ZNF382: variants seen among roughly 807,000 people sequenced by gnomAD.
ZNF382 encodes zinc finger protein 382.
A neutral mutation model predicts 38.8 loss-of-function variants in ZNF382; 20 were observed. That is an observed-to-expected ratio of 0.51 (90% confidence interval 0.36 to 0.75). The LOEUF (loss-of-function observed/expected upper bound fraction) is 0.75. Among genes scored for constraint, ZNF382 ranks in the 30% least tolerant of loss-of-function variants. ZNF382 has a pLI of 0.00. For synonymous variants in ZNF382, 202 were observed against 223.1 expected (o/e 0.91, Z 0.84); for missense variants, 546 against 654.1 (o/e 0.83, Z 1.80).
chr19:36,619,286 G>C (rs2037149803), intron 4 of ZNF382, among the ~76,000 whole-genome samples: 1 of 152,196 alleles, frequency 6.6e-6, no homozygotes. Context: ...AGTTGGCAAG[G>C]CTTCTGCCTC....
intron 4 of ZNF382, among the ~76,000 whole-genome samples, 198 bp from the exon 5 acceptor site, chr19:36,625,932 T>C (rs958348897): frequency 6.6e-6 from 1 of 152,194 alleles, no homozygotes; most frequent in Non-Finnish European, 1.5e-5. Context: ...GTTTTTTGCT[T>C]ATGCCAGTTT....
At position 36,630,391 on chromosome 19, in the gene ZNF382, C is replaced by G. The variant is rs575813582; in HGVS notation, c.*2841C>G. On this transcript the variant is annotated 3_prime_UTR_variant, in exon 5 of 5. Coordinates refer to ENST00000292928, the MANE Select transcript of ZNF382 (RefSeq NM_032825.5). ...TTTTTTTTTTTGAGACAGAGTTTCA[C>G]TTTTGTTTCCCAGGCTGGAGTGCAA... 2.0e-5 allele frequency: 3 copies of G among 146,482 alleles called. No individual in the cohort carries two copies. The highest frequency in any genetic ancestry group is 7.6e-5 in the African/African-American group (3 of 39,444). 9.1% of individuals were successfully genotyped at this position (146,482 alleles called of 1,614,324 possible).
chr19:36,607,192 A>G (rs1000705152), intron 1 of ZNF382, among the ~76,000 whole-genome samples: 1 of 152,158 alleles, frequency 6.6e-6, no homozygotes, highest in Non-Finnish European at 1.5e-5. Flanking sequence ...ATCCACTACT[A>G]TCAGTGTAAA....
At chr19:36,613,126 G>A (rs2037092273) in intron 4 of ZNF382, among the ~76,000 whole-genome samples, 1 of 152,108 alleles carries the variant, frequency 6.6e-6, no homozygotes, top group Non-Finnish European at 1.5e-5. Context: ...TATTTAGGTA[G>A]TATGTATTTT....
chr19:36,607,917 G>A, intron 2 of ZNF382: 1 of 366,022 alleles, frequency 2.7e-6, no homozygotes, highest in Admixed American at 4.2e-5. Context: ...CCTTCCCCAA[G>A]TGTACCTTCT....
At position 36,630,637 on chromosome 19, in the gene ZNF382, TTG is replaced by T. The variant is rs1474266927; in HGVS notation, c.*3091_*3092del. On this transcript the variant is annotated 3_prime_UTR_variant, in exon 5 of 5. Coordinates refer to ENST00000292928, the MANE Select transcript of ZNF382 (RefSeq NM_032825.5). ...TGTGAGCCACCGCACCCAGCCGAAA[TTG>T]TGTTTTCTAAAGCTATTTACATATA... The T allele has an allele frequency of 6.6e-6, 1 of 151,746 alleles. No homozygotes were observed. Among genetic ancestry groups the T allele is most frequent in the African/African-American group, 2.4e-5 (1 of 41,308 alleles). 9.4% of individuals were successfully genotyped at this position (151,746 alleles called of 1,614,324 possible). A position where few individuals can be genotyped will look rare whatever the true frequency, so the allele number is the denominator to read the frequency against.
At chr19:36,622,507 C>T (rs1250052563) in intron 4 of ZNF382, among the ~76,000 whole-genome samples, 1 of 152,164 alleles carries the variant, frequency 6.6e-6, no homozygotes, top group African/African-American at 2.4e-5. Flanking sequence ...GGATATCAAT[C>T]CTGGCAACAC....
chr19:36,614,914 CTTCCCTTTCCCTTTCCCT>C (rs1555793085), intron 4 of ZNF382, among the ~76,000 whole-genome samples: 1 of 90,788 alleles, frequency 1.1e-5, no homozygotes, highest in Non-Finnish European at 2.2e-5. Context: ...CTTTCCTTTC[CTTCCCTTTCCCTTTCCCT>C]TTCCCTTTCC....
intron 1 of ZNF382, 118 bp downstream of exon 1, chr19:36,605,465 C>T (rs2037010212): frequency 6.6e-6 from 1 of 152,668 alleles, no homozygotes; most frequent in East Asian, 1.9e-4. Context: ...GAGTCCGAGC[C>T]GGGCCTGGAA....
At position 36,629,601 on chromosome 19, in the gene ZNF382, A is replaced by G. The variant is rs1183538862; in HGVS notation, c.*2051A>G. On this transcript the variant is annotated 3_prime_UTR_variant, in exon 5 of 5. Transcript: ENST00000292928. ...TATTTAACTTGATTGTTTTATTAAA[A>G]GGGAAAAGTAATTTTTTAGTATCTG... 6.6e-6 allele frequency: 1 copy of G among 152,182 alleles called. No homozygotes were observed. Among genetic ancestry groups the G allele is most frequent in the East Asian group, 1.9e-4 (1 of 5,196 alleles). The allele number at this position is 152,182 out of a possible 1,614,324, so 9.4% of individuals were successfully genotyped here.
At position 36,626,609 on chromosome 19, in the gene ZNF382, A is replaced by T; in HGVS notation, c.712A>T (p.Arg238Ter). 1.2e-6 allele frequency: 2 copies of T among 1,614,214 alleles called. No homozygotes were observed. The highest frequency in any genetic ancestry group is 1.7e-6 in the Non-Finnish European group (2 of 1,180,034). Residue 238 changes from arginine (R) to a stop codon, truncating the protein, a stop_gained, in exon 5 of 5, where the codon AGA becomes TGA. Transcript: ENST00000292928. LOFTEE classifies it high-confidence loss of function. Reference protein sequence around the residue: ...FTHTRAHRGERTFEYNKDGIA... With the variant: ...FTHTRAHRGE The stretch of plus-strand genomic sequence containing the variant: ...ACATACTAGAGCTCACAGAGGAGAA[A>T]GAACCTTTGAATACAATAAAGATGG...
intron 4 of ZNF382, among the ~76,000 whole-genome samples, chr19:36,613,024 C>T (rs1281825632): frequency 6.6e-6 from 1 of 152,216 alleles, no homozygotes; most frequent in East Asian, 1.9e-4. Context: ...AACTCCTGAC[C>T]TTGTCATCCG....
intron 4 of ZNF382, among the ~76,000 whole-genome samples, chr19:36,622,019 C>T (rs1475621010): frequency 7.1e-5 from 9 of 126,876 alleles, no homozygotes; most frequent in East Asian, 2.7e-4. Context: ...CCCTTAGGTT[C>T]GATAATTTTT....
chr19:36,624,134 A>G (rs1378429381), intron 4 of ZNF382, among the ~76,000 whole-genome samples: 2 of 152,088 alleles, frequency 1.3e-5, no homozygotes, highest in African/African-American at 4.8e-5. Flanking sequence ...GAAAAATCGG[A>G]TAGTAGCATA....
chr19:36,629,978 C>T lies in ZNF382; in HGVS notation c.*2428C>T, dbSNP rs1443213644. On this transcript the variant is annotated 3_prime_UTR_variant, in exon 5 of 5. Coordinates refer to ENST00000292928, the MANE Select transcript of ZNF382 (RefSeq NM_032825.5). The stretch of plus-strand genomic sequence containing the variant: ...ATATATGGATTCTAGAGTCAATGAG[C>T]AAAGGTATTGTTGTTACTAATAGGT... The T allele has an allele frequency of 2.0e-5, 3 of 152,004 alleles. No individual in the cohort carries two copies. The highest frequency in any genetic ancestry group is 4.4e-5 in the Non-Finnish European group (3 of 67,992). 9.4% of individuals were successfully genotyped at this position (152,004 alleles called of 1,614,324 possible). A position where few individuals can be genotyped will look rare whatever the true frequency, so the allele number is the denominator to read the frequency against.
At chr19:36,607,958 A>T in intron 2 of ZNF382, 1 of 263,394 alleles carries the variant, frequency 3.8e-6, no homozygotes, top group Non-Finnish European at 7.2e-6. Flanking sequence ...TATATCATTC[A>T]TCATCTCCTT....
intron 4 of ZNF382, among the ~76,000 whole-genome samples, chr19:36,622,663 T>C (rs2037179279): frequency 6.6e-6 from 1 of 152,190 alleles, no homozygotes; most frequent in Non-Finnish European, 1.5e-5. Context: ...GCTGAGCTGA[T>C]GCTTGCTGCA....
chr19:36,618,069 G>A (rs947482759), intron 4 of ZNF382, among the ~76,000 whole-genome samples: 1 of 152,072 alleles, frequency 6.6e-6, no homozygotes, highest in African/African-American at 2.4e-5. Context: ...GAATGGACCA[G>A]GATTTTTTGT....
intron 4 of ZNF382, among the ~76,000 whole-genome samples, chr19:36,625,876 A>G (rs1268795860): frequency 6.6e-6 from 1 of 152,064 alleles, no homozygotes; most frequent in East Asian, 1.9e-4. Context: ...TGTTTCCTAT[A>G]CCTTCTCAGT....
Sources: allele counts gnomAD v4.1 joint callset (sites outside exome capture counted in the v4.1 genomes callset), GRCh38; gene constraint gnomAD v4.1.1; transcripts MANE v1.5; gene names NCBI Gene and HGNC (gene_info 2026-07-23, HGNC 2026-07-21).